WDR76: variants seen among roughly 807,000 people sequenced by gnomAD.
WDR76 encodes WD repeat domain 76.
In WDR76, 52 loss-of-function variants were observed where a neutral mutation model predicts 70.2. The observed-to-expected ratio is 0.74, with a 90% CI of 0.59 to 0.93. WDR76 has a LOEUF of 0.93. Ranked by LOEUF, WDR76 falls within the 40% of genes least tolerant of loss-of-function variation. The pLI is 0.00. For missense variants in WDR76, 756 were observed against 760.2 expected, an observed-to-expected ratio of 0.99 and a Z score of 0.07; for synonymous variants, 292 against 271.1, an observed-to-expected ratio of 1.08 and a Z score of -0.76.
chr15:43,838,346 C>G (rs2087683597), intron 4 of WDR76, among the ~76,000 whole-genome samples: 1 of 152,078 alleles, frequency 6.6e-6, no homozygotes, highest in Non-Finnish European at 1.5e-5. Flanking sequence ...TGACCATGCT[C>G]TGCTAAATTT....
At chr15:43,832,416 G>T (rs543802045) in intron 2 of WDR76, among the ~76,000 whole-genome samples, 2 of 147,658 alleles carry the variant, frequency 1.4e-5, no homozygotes, top group South Asian at 2.2e-4. Flanking sequence ...ACATGCCGAG[G>T]CCTGGGTTCA....
intron 9 of WDR76, among the ~76,000 whole-genome samples, chr15:43,856,572 G>A (rs1178292404): frequency 1.3e-5 from 2 of 150,770 alleles, no homozygotes; most frequent in Admixed American, 6.6e-5. Flanking sequence ...GCTGATCAGT[G>A]CCTTTGTTTC....
At chr15:43,856,411 A>G (rs2087927440) in intron 9 of WDR76, among the ~76,000 whole-genome samples, 1 of 152,210 alleles carries the variant, frequency 6.6e-6, no homozygotes, top group African/African-American at 2.4e-5. Context: ...GTTACTTTGC[A>G]TATTAAAATA....
chr15:43,839,879 A>T (rs895402385), intron 5 of WDR76, 151 bp downstream of exon 5: 1 of 1,048,008 alleles, frequency 9.5e-7, no homozygotes, highest in African/African-American at 1.6e-5. Context: ...TTTTTTTGAG[A>T]TGGAGTCTCA....
rs189223944 is a variant in WDR76 at position 43,852,252 on chromosome 15, C to T, written c.1191+1007C>T. The stretch of plus-strand genomic sequence containing the variant: ...AGGCTGGAGTGCAGTGGCGAGATCT[C>T]GGCTCACTGCAACTTCTGCCTCCCA... On this transcript the variant is annotated intron_variant, in intron 9 of 12. Transcript: ENST00000263795. 6.7e-4 allele frequency among the ~76,000 whole-genome samples: 101 copies of T among 151,688 alleles called. 1 individual carries two copies. Among genetic ancestry groups the T allele is most frequent in the African/African-American group, 2.3e-3 (93 of 41,332 alleles).
At chr15:43,857,277 A>G (rs1188979683) in intron 10 of WDR76, 114 bp downstream of exon 10, 2 of 1,167,028 alleles carry the variant, frequency 1.7e-6, no homozygotes, top group African/African-American at 3.2e-5. Context: ...TACTTTTGTA[A>G]TACCCAAAGG....
chr15:43,861,495 T>C (rs2087997280), intron 12 of WDR76, 109 bp downstream of exon 12: 1 of 1,114,490 alleles, frequency 9.0e-7, no homozygotes. Context: ...TCCTGATTTT[T>C]GAATACAAAA....
chr15:43,861,431 A>G, intron 12 of WDR76, 45 bp downstream of exon 12: 1 of 1,541,266 alleles, frequency 6.5e-7, no homozygotes, highest in Middle Eastern at 1.7e-4. Context: ...ATTACTATGA[A>G]CTATTTGTTG....
intron 9 of WDR76, among the ~76,000 whole-genome samples, chr15:43,853,829 C>T (rs1053135170): frequency 6.7e-6 from 1 of 149,774 alleles, no homozygotes; most frequent in African/African-American, 2.5e-5. Context: ...TCGCTTGAAC[C>T]CGGGAGGTGG....
At chr15:43,834,675 G>C (rs1289234091) in intron 2 of WDR76, among the ~76,000 whole-genome samples, 2 of 152,018 alleles carry the variant, frequency 1.3e-5, no homozygotes, top group African/African-American at 2.4e-5. Context: ...TTGAACTCCA[G>C]ACCTCAGGTG....
At chr15:43,845,286 T>A (rs1000989440) in intron 8 of WDR76, among the ~76,000 whole-genome samples, 2 of 150,222 alleles carry the variant, frequency 1.3e-5, no homozygotes, top group African/African-American at 4.8e-5. Context: ...AAATATGGTC[T>A]GCTATGGTCT....
chr15:43,864,595 GT>G (rs939217710), intron 12 of WDR76, among the ~76,000 whole-genome samples: 23 of 151,144 alleles, frequency 1.5e-4, no homozygotes, highest in African/African-American at 5.6e-4. Flanking sequence ...TTAATTATTT[GT>G]TTTCTTTTTT....
chr15:43,836,277 G>GA (rs1555461550), intron 4 of WDR76, 61 bp downstream of exon 4: 4 of 1,518,650 alleles, frequency 2.6e-6, no homozygotes, highest in South Asian at 1.3e-5. Flanking sequence ...TTTATAATTT[G>GA]AAAAAAATGG....
At chr15:43,845,408 A>G (rs542234539) in intron 8 of WDR76, among the ~76,000 whole-genome samples, 1 of 150,366 alleles carries the variant, frequency 6.7e-6, no homozygotes, top group East Asian at 1.9e-4. Context: ...GTGCCCTTAT[A>G]AAAGAAACCC....
chr15:43,855,244 G>A (rs1265849272), intron 9 of WDR76, among the ~76,000 whole-genome samples: 1 of 152,184 alleles, frequency 6.6e-6, no homozygotes, highest in Non-Finnish European at 1.5e-5. Context: ...ACTATCTTGA[G>A]TGTGCTTTAT....
Position 43,858,756 on chromosome 15 carries a change from G to C in WDR76, c.1495G>C (p.Ala499Pro). ...ISLTEHTKSI[A>P]SAYFSPLTGN... ...TTTGACTGAACATACAAAGAGCATT[G>C]CTTCCGCCTATTTTTCACCTCTTAC... Residue 499 changes from alanine to proline, a missense_variant, in exon 11 of 13, where the codon GCT (alanine) becomes CCT (proline). By Grantham distance (27) the Ala-to-Pro change is conservative. Coordinates refer to ENST00000263795, the MANE Select transcript of WDR76 (RefSeq NM_024908.4). 6.2e-7 allele frequency: 1 copy of C among 1,614,180 alleles called. No homozygotes were observed. The highest frequency in any genetic ancestry group is 8.5e-7 in the Non-Finnish European group (1 of 1,180,016).
Position 43,843,928 on chromosome 15 carries a change from C to A in WDR76, c.906C>A (p.Val302=). Residue 302 remains valine (V), a synonymous_variant, in exon 8 of 13, where the codon GTC becomes GTA. Transcript: ENST00000263795. ...ACAAAGCCAATTTAAATGGCATGGT[C>A]ATTAGTGAAGATACCGTTTACAAAG... The part of the protein sequence containing the change: ...KSYKANLNGM[V]ISEDTVYKVT... 6.3e-7 allele frequency: 1 copy of A among 1,595,180 alleles called. No homozygotes were observed. The highest frequency in any genetic ancestry group is 8.5e-7 in the Non-Finnish European group (1 of 1,170,072).
intron 2 of WDR76, among the ~76,000 whole-genome samples, chr15:43,828,842 T>C (rs1217254687): frequency 1.3e-5 from 2 of 152,056 alleles, no homozygotes; most frequent in Non-Finnish European, 1.5e-5. Flanking sequence ...GTAAGATACA[T>C]GAGAAACACA....
chr15:43,829,454 A>C (rs2087559249), intron 2 of WDR76, among the ~76,000 whole-genome samples: 1 of 150,312 alleles, frequency 6.7e-6, no homozygotes, highest in African/African-American at 2.4e-5. Flanking sequence ...GCATGGGGTA[A>C]GTATTAAATG....
Sources: allele counts gnomAD v4.1 joint callset (sites outside exome capture counted in the v4.1 genomes callset), GRCh38; gene constraint gnomAD v4.1.1; transcripts MANE v1.5; gene names NCBI Gene and HGNC (gene_info 2026-07-23, HGNC 2026-07-21).